Variants in MAPK9 observed in about 807,000 individuals in gnomAD.
The protein encoded by MAPK9 is mitogen-activated protein kinase 9.
Under a neutral mutation model 57.1 loss-of-function variants are expected in MAPK9, and 30 were observed. The observed-to-expected ratio is 0.53, with a 90% confidence interval of 0.39 to 0.71. The LOEUF (loss-of-function observed/expected upper bound fraction) is 0.71, where lower values mean the gene tolerates loss of function less well. Ranked by LOEUF, MAPK9 falls within the 30% of genes least tolerant of loss-of-function variation. The pLI is 0.00. For missense variants in MAPK9, 362 were observed against 521.0 expected, an observed-to-expected ratio of 0.69 and a Z score of 2.97; for synonymous variants, 155 against 177.0, an observed-to-expected ratio of 0.88 and a Z score of 0.99.
At chr5:180,265,453 G>C (rs1760435267) in intron 3 of MAPK9, among the ~76,000 whole-genome samples, 1 of 152,208 alleles carries the variant, frequency 6.6e-6, no homozygotes. Flanking sequence ...TTGTGACAGT[G>C]AGTGAGTTCT....
intron 5 of MAPK9, among the ~76,000 whole-genome samples, chr5:180,256,697 T>G (rs909679652): frequency 1.3e-5 from 2 of 152,134 alleles, no homozygotes; most frequent in African/African-American, 4.8e-5. Flanking sequence ...AAACACTCCT[T>G]TGGGCCCCAT....
intron 1 of MAPK9, among the ~76,000 whole-genome samples, chr5:180,285,088 A>C (rs1255544398): frequency 6.6e-6 from 1 of 152,260 alleles, no homozygotes; most frequent in Non-Finnish European, 1.5e-5. Flanking sequence ...TGACACTTGT[A>C]TGGAAGACGG....
intron 5 of MAPK9, among the ~76,000 whole-genome samples, chr5:180,259,388 T>C (rs1759671578): frequency 6.6e-6 from 1 of 152,108 alleles, no homozygotes. Context: ...GTAAGGGATG[T>C]GGTCAAGTCT....
chr5:180,261,225 T>A (rs1759920819), intron 5 of MAPK9, among the ~76,000 whole-genome samples: 1 of 152,146 alleles, frequency 6.6e-6, no homozygotes, highest in Non-Finnish European at 1.5e-5. Context: ...AATGGATATG[T>A]GGGTCATTAT....
At chr5:180,239,661 G>C (rs1166253030) in intron 10 of MAPK9, among the ~76,000 whole-genome samples, 1 of 152,090 alleles carries the variant, frequency 6.6e-6, no homozygotes, top group Non-Finnish European at 1.5e-5. Flanking sequence ...ACTAAGCTCA[G>C]TTTATAAATC....
Position 180,251,617 on chromosome 5 carries a change from G to A in MAPK9, c.451-2479C>T, listed in dbSNP as rs34778975. Among the ~76,000 whole-genome samples the A allele has an allele frequency of 6.1e-3, 923 of 152,226 alleles. 20 individuals are homozygous for A. The highest frequency in any genetic ancestry group is 0.056 in the South Asian group (268 of 4,820). Reference sequence around the variant, plus strand: ...TAGTCACCCCCGAAATACAACCTGAGGCAGCTTCCCAACACCTCACTTCAA... The same window carrying A: ...TAGTCACCCCCGAAATACAACCTGAAGCAGCTTCCCAACACCTCACTTCAA... On this transcript the variant is annotated intron_variant, in intron 5 of 11. Coordinates refer to ENST00000452135, the MANE Select transcript of MAPK9 (RefSeq NM_002752.5).
intron 2 of MAPK9, among the ~76,000 whole-genome samples, chr5:180,275,299 T>A (rs746966324): frequency 6.6e-6 from 1 of 152,228 alleles, no homozygotes; most frequent in Non-Finnish European, 1.5e-5. Flanking sequence ...CTGGGGGCAC[T>A]AGCAATTTTT....
At chr5:180,243,412 G>A (rs760807442) in intron 7 of MAPK9, among the ~76,000 whole-genome samples, 10 of 152,138 alleles carry the variant, frequency 6.6e-5, no homozygotes, top group Non-Finnish European at 1.3e-4. Context: ...GGCTTCCTTG[G>A]GGTCTGTTTC....
chr5:180,270,066 A>G (rs1282787132), intron 2 of MAPK9, among the ~76,000 whole-genome samples: 1 of 152,160 alleles, frequency 6.6e-6, no homozygotes, highest in Non-Finnish European at 1.5e-5. Flanking sequence ...AATTCTGTTC[A>G]TTTTCCTCCA....
chr5:180,283,986 T>G (rs1271937034), intron 1 of MAPK9, among the ~76,000 whole-genome samples: 1 of 152,178 alleles, frequency 6.6e-6, no homozygotes, highest in Non-Finnish European at 1.5e-5. Flanking sequence ...GGTACCCTTA[T>G]TATGCAGGAG....
At chr5:180,279,312 C>G (rs1231429850) in intron 2 of MAPK9, among the ~76,000 whole-genome samples, 1 of 152,194 alleles carries the variant, frequency 6.6e-6, no homozygotes, top group South Asian at 2.1e-4. Flanking sequence ...CATGTGTCAT[C>G]AGGAAGTTAA....
intron 7 of MAPK9, among the ~76,000 whole-genome samples, chr5:180,244,020 G>C (rs1388877720): frequency 6.6e-6 from 1 of 151,900 alleles, no homozygotes; most frequent in Non-Finnish European, 1.5e-5. Flanking sequence ...GCTAATTTTT[G>C]TTATTTTTAG....
chr5:180,238,765 T>C (rs1757407695), intron 10 of MAPK9, among the ~76,000 whole-genome samples: 1 of 152,130 alleles, frequency 6.6e-6, no homozygotes, highest in South Asian at 2.1e-4. Context: ...TTCACCACCA[T>C]GCCTGGCTAA....
At chr5:180,287,357 G>A (rs1002328515) in intron 1 of MAPK9, among the ~76,000 whole-genome samples, 1 of 152,154 alleles carries the variant, frequency 6.6e-6, no homozygotes, top group Non-Finnish European at 1.5e-5. Flanking sequence ...AAGGGTACTG[G>A]GACCTCTCTG....
intron 3 of MAPK9, among the ~76,000 whole-genome samples, chr5:180,265,396 T>C (rs944837741): frequency 3.5e-4 from 54 of 152,310 alleles, no homozygotes; most frequent in African/African-American, 1.2e-3. Context: ...GGGAGAGACC[T>C]GGTGGGAGGT....
chr5:180,271,020 T>C (rs1276303597), intron 2 of MAPK9, among the ~76,000 whole-genome samples: 4 of 152,154 alleles, frequency 2.6e-5, no homozygotes, highest in African/African-American at 9.7e-5. Context: ...CAATGTATTG[T>C]ATTCTTGAAA....
intron 3 of MAPK9, among the ~76,000 whole-genome samples, chr5:180,268,724 G>A (rs1054734021): frequency 1.4e-4 from 22 of 152,060 alleles, no homozygotes; most frequent in Middle Eastern, 3.4e-3. Flanking sequence ...CTACTCAGGA[G>A]GCTGAGGCAG....
At chr5:180,268,661 C>CCT (rs1333113933) in intron 3 of MAPK9, among the ~76,000 whole-genome samples, 2 of 150,200 alleles carry the variant, frequency 1.3e-5, no homozygotes, top group Non-Finnish European at 3.0e-5. Context: ...CCCTGTCTCT[C>CCT]CTAAAAATAC....
intron 5 of MAPK9, among the ~76,000 whole-genome samples, chr5:180,252,350 C>T (rs6898670): frequency 0.19 from 28,440 of 152,064 alleles, 3,192 homozygotes; most frequent in African/African-American, 0.31. Flanking sequence ...ACAGCAGCTG[C>T]GGCCAGGACT....
Sources: gnomAD v4.1 joint callset for allele counts (sites outside exome capture counted in the v4.1 genomes callset) on GRCh38, gnomAD v4.1.1 for gene constraint, MANE v1.5 for transcripts, NCBI Gene and HGNC (gene_info 2026-07-23, HGNC 2026-07-21) for gene names.